The following ARID1B variants were observed in gnomAD, a reference collection of about 807,000 sequenced individuals.
ARID1B encodes AT-rich interactive domain-containing protein 1B.
ARID1B carries 30 observed loss-of-function variants against 212.3 expected under a neutral mutation model. The ratio of observed to expected loss-of-function variants is 0.14; its 90% CI spans 0.11 to 0.19. ARID1B has a LOEUF of 0.19. Ranked by LOEUF, ARID1B falls within the 10% of genes least tolerant of loss-of-function variation. The probability of loss-of-function intolerance (pLI) is 1.00; values close to 1 mark genes in which losing one functional copy is unlikely to be tolerated. For missense variants in ARID1B, 2,891 were observed against 3,204.0 expected (o/e 0.90, Z 2.36); for synonymous variants, 1,402 against 1,301.7 (o/e 1.08, Z -1.66).
intron 1 of ARID1B, among the ~76,000 whole-genome samples, chr6:156,820,134 G>A (rs2128011559): frequency 6.6e-6 from 1 of 152,316 alleles, no homozygotes; most frequent in Admixed American, 6.5e-5. Context: ...TCTGGGGCTT[G>A]GAGGAAGCAG....
At chr6:157,087,803 G>A (rs78122110) in intron 5 of ARID1B, among the ~76,000 whole-genome samples, 41 of 146,338 alleles carry the variant, frequency 2.8e-4, no homozygotes, top group Non-Finnish European at 2.7e-4. Flanking sequence ...TTTTCTTCTA[G>A]AAAAAAAAAA....
At chr6:157,179,757 A>G (rs75384393) in intron 11 of ARID1B, among the ~76,000 whole-genome samples, 7,415 of 152,256 alleles carry the variant, frequency 0.049, 424 homozygotes, top group African/African-American at 0.13. Flanking sequence ...CGGCGGCCTC[A>G]CATGCTGCGT....
intron 4 of ARID1B, chr6:156,937,962 A>G (rs1398283922): frequency 3.6e-5 from 5 of 139,282 alleles, no homozygotes; most frequent in Admixed American, 6.9e-5. Context: ...ACACATTTCA[A>G]TAATCTTTAG....
At chr6:156,865,132 A>G (rs755869410) in intron 2 of ARID1B, among the ~76,000 whole-genome samples, 1 of 152,108 alleles carries the variant, frequency 6.6e-6, no homozygotes, top group South Asian at 2.1e-4. Flanking sequence ...ATGTTCAACT[A>G]TTACCCTGGG....
At chr6:157,081,009 A>T (rs764038928) in intron 4 of ARID1B, among the ~76,000 whole-genome samples, 2 of 152,240 alleles carry the variant, frequency 1.3e-5, no homozygotes, top group Non-Finnish European at 2.9e-5. Context: ...TCACATGATG[A>T]TAGCAAAATA....
At chr6:156,875,297 T>G (rs1398983050) in intron 2 of ARID1B, among the ~76,000 whole-genome samples, 2 of 152,242 alleles carry the variant, frequency 1.3e-5, no homozygotes, top group Non-Finnish European at 2.9e-5. Context: ...ATGATCAACT[T>G]TCAGAGCTTT....
At chr6:157,040,087 C>T (rs1201959459) in intron 4 of ARID1B, among the ~76,000 whole-genome samples, 1 of 151,966 alleles carries the variant, frequency 6.6e-6, no homozygotes, top group Non-Finnish European at 1.5e-5. Flanking sequence ...GTAGCTGGGA[C>T]TACAGGCGCG....
intron 6 of ARID1B, among the ~76,000 whole-genome samples, chr6:157,124,558 A>G (rs762640964): frequency 3.9e-4 from 60 of 152,230 alleles, no homozygotes; most frequent in Non-Finnish European, 3.8e-4. Flanking sequence ...GCACACCTGT[A>G]AAAACAGCTG....
At chr6:156,789,976 T>C (rs1779906144) in intron 1 of ARID1B, among the ~76,000 whole-genome samples, 1 of 152,268 alleles carries the variant, frequency 6.6e-6, no homozygotes, top group Non-Finnish European at 1.5e-5. Flanking sequence ...GGCAATTCTC[T>C]ATTAGTTAAT....
At chr6:157,075,692 T>C (rs1003690582) in intron 4 of ARID1B, among the ~76,000 whole-genome samples, 2 of 152,262 alleles carry the variant, frequency 1.3e-5, no homozygotes, top group African/African-American at 2.4e-5. Flanking sequence ...GACATCGTCA[T>C]GTTGACCTCG....
chr6:156,999,489 C>G (rs1778791423), intron 4 of ARID1B, among the ~76,000 whole-genome samples: 1 of 152,232 alleles, frequency 6.6e-6, no homozygotes, highest in African/African-American at 2.4e-5. Flanking sequence ...TCAGCAAATA[C>G]AAAACAAGAG....
At chr6:156,975,266 G>T (rs1351891268) in intron 4 of ARID1B, among the ~76,000 whole-genome samples, 1 of 152,120 alleles carries the variant, frequency 6.6e-6, no homozygotes, top group Non-Finnish European at 1.5e-5. Context: ...CTTTTAATGT[G>T]TGCATTGGCC....
At chr6:156,876,508 C>T (rs762469048) in intron 2 of ARID1B, among the ~76,000 whole-genome samples, 13 of 152,140 alleles carry the variant, frequency 8.5e-5, no homozygotes, top group African/African-American at 1.4e-4. Flanking sequence ...ATCCCAGTTC[C>T]GAGTATACTC....
chr6:157,188,296 A>G (rs888997750), intron 13 of ARID1B, among the ~76,000 whole-genome samples: 2 of 152,168 alleles, frequency 1.3e-5, no homozygotes, highest in African/African-American at 4.8e-5. Flanking sequence ...TGCAGGGCTC[A>G]CAGGGACGGA....
rs1177807875 is a variant in ARID1B, at chr6:157,004,897, CTTTTTTTTTTTT to C, written c.2247+69344_2247+69355del. 1.1e-4 allele frequency among the ~76,000 whole-genome samples: 6 copies of C among 54,740 alleles called. No homozygotes were observed. In the East Asian group the frequency reaches 1.1e-3, roughly 10 times the overall value. 35.9% of individuals were successfully genotyped at this position (54,740 alleles called of 152,430 possible). The stretch of plus-strand genomic sequence containing the variant: ...TTTTTTCTTTTTCTTCTTCTTTTTT[CTTTTTTTTTTTT>C]TTTTTTTTTTTTTTTTTTTTTTGAG... On this transcript the variant is annotated intron_variant, in intron 4 of 19. Transcript: ENST00000636930.
intron 15 of ARID1B, chr6:157,194,254 C>A (rs1793572471): frequency 6.6e-6 from 1 of 152,176 alleles, no homozygotes; most frequent in East Asian, 1.9e-4. Flanking sequence ...TTCTTTCTAT[C>A]TCTGTTTTCA....
At chr6:157,154,042 G>A (rs187862775) in intron 8 of ARID1B, among the ~76,000 whole-genome samples, 15 of 152,276 alleles carry the variant, frequency 9.9e-5, no homozygotes, top group South Asian at 2.1e-4. Context: ...TGTGTCTTAC[G>A]TCCTTTTATT....
intron 4 of ARID1B, among the ~76,000 whole-genome samples, chr6:157,064,025 T>C (rs1202674118): frequency 6.6e-6 from 1 of 152,216 alleles, no homozygotes; most frequent in Non-Finnish European, 1.5e-5. Flanking sequence ...GGTGGTTAAA[T>C]AATTGGAAGG....
At chr6:157,010,278 G>GTTT (rs367851681) in intron 4 of ARID1B, among the ~76,000 whole-genome samples, 223 of 102,150 alleles carry the variant, frequency 2.2e-3, no homozygotes, top group Non-Finnish European at 2.9e-3. Context: ...TGCATTGCCT[G>GTTT]TTTTTTTTTT....
Sources: gnomAD v4.1 joint callset for allele counts (sites outside exome capture counted in the v4.1 genomes callset) on GRCh38, gnomAD v4.1.1 for gene constraint, MANE v1.5 for transcripts, NCBI Gene and HGNC (gene_info 2026-07-23, HGNC 2026-07-21) for gene names.